PRSS12: variants seen among roughly 807,000 people sequenced by gnomAD.
PRSS12 encodes serine protease 12, also known as neurotrypsin.
PRSS12 carries 85 observed loss-of-function variants against 104.4 expected under a neutral mutation model. That is an observed-to-expected ratio of 0.81 (90% CI 0.68 to 0.98). The LOEUF is 0.98. Among genes scored for constraint, PRSS12 ranks in the 50% least tolerant of loss-of-function variants. The probability of loss-of-function intolerance (pLI) is 0.00; values close to 1 mark genes in which losing one functional copy is unlikely to be tolerated. For synonymous variants in PRSS12, 454 were observed against 425.2 expected, an observed-to-expected ratio of 1.07 and a Z score of -0.83; for missense variants, 1,141 against 1,139.2, an observed-to-expected ratio of 1.00 and a Z score of -0.02.
At position 118,294,790 on chromosome 4, in the gene PRSS12, T is replaced by G. The variant is rs536435283; in HGVS notation, c.2039+149A>C. On this transcript the variant is annotated intron_variant, in intron 11 of 12. Transcript: ENST00000296498. ...TTCTAAGGGCTCTCTTTGCTCCTTT[T>G]GTCACTCCCTCATTCCACAGGGCTG... 77 of 1,123,180 alleles carry G rather than the reference T, an allele frequency of 6.9e-5. No homozygotes were observed. In the African/African-American group the frequency reaches 8.7e-4, roughly 13 times the overall value. 69.6% of individuals were successfully genotyped at this position (1,123,180 alleles called of 1,614,324 possible). A position where few individuals can be genotyped will look rare whatever the true frequency, so the allele number is the denominator to read the frequency against.
intron 1 of PRSS12, among the ~76,000 whole-genome samples, chr4:118,341,172 G>A (rs947774915): frequency 2.0e-5 from 3 of 152,212 alleles, no homozygotes; most frequent in East Asian, 1.9e-4. Flanking sequence ...CTAGCCTCAG[G>A]GGAAAATGAA....
intron 1 of PRSS12, among the ~76,000 whole-genome samples, chr4:118,350,257 G>C (rs1724460704): frequency 1.3e-5 from 2 of 152,162 alleles, no homozygotes; most frequent in African/African-American, 4.8e-5. Flanking sequence ...TACTGGCAGA[G>C]CCAAAACAGA....
rs771069574 is a variant in PRSS12, at chr4:118,352,653, G to A, written c.68C>T (p.Ser23Phe). The A allele has an allele frequency of 6.2e-7, 1 of 1,613,320 alleles. No individual in the cohort carries two copies. Among genetic ancestry groups the A allele is most frequent in the Non-Finnish European group, 8.5e-7 (1 of 1,179,598 alleles). Residue 23 changes from serine to phenylalanine, a missense_variant, in exon 1 of 13, where the codon TCT becomes TTT. Physicochemically the swap from Ser to Phe is radical, Grantham distance 155. Coordinates refer to ENST00000296498, the MANE Select transcript of PRSS12 (RefSeq NM_003619.4). Reference protein sequence around the residue: ...GALPEVVGFDSVLNDSLHHSH... With the variant: ...GALPEVVGFDFVLNDSLHHSH... ...GTGGTGGAGGGAATCATTGAGGACA[G>A]AATCAAAGCCGACCACTTCGGGGAG...
chr4:118,337,826 A>G (rs1259237272), intron 2 of PRSS12, among the ~76,000 whole-genome samples: 1 of 151,976 alleles, frequency 6.6e-6, no homozygotes, highest in African/African-American at 2.4e-5. Flanking sequence ...TAATTCTAAG[A>G]AATTATAATT....
chr4:118,344,950 G>A (rs756179486), intron 1 of PRSS12, among the ~76,000 whole-genome samples: 2 of 152,128 alleles, frequency 1.3e-5, no homozygotes, highest in Non-Finnish European at 2.9e-5. Flanking sequence ...TTGCATAGCA[G>A]TGAGTGATGA....
chr4:118,290,235 C>CA (rs1032990790), intron 11 of PRSS12, among the ~76,000 whole-genome samples: 37 of 151,662 alleles, frequency 2.4e-4, no homozygotes, highest in Middle Eastern at 6.8e-3. Context: ...ATAACAACAA[C>CA]AAAAAAAAGA....
chr4:118,295,536 G>C (rs1421846012), intron 10 of PRSS12, among the ~76,000 whole-genome samples: 1 of 152,108 alleles, frequency 6.6e-6, no homozygotes, highest in Non-Finnish European at 1.5e-5. Flanking sequence ...AAATTATTTT[G>C]TTTCTGCCAT....
In PRSS12 at chr4:118,316,249, C is replaced by T; in HGVS notation, c.1225G>A (p.Gly409Arg). 1 of 1,614,040 alleles carries T rather than the reference C, an allele frequency of 6.2e-7. No individual in the cohort carries two copies. The highest frequency in any genetic ancestry group is 8.5e-7 in the Non-Finnish European group (1 of 1,180,004). Residue 409 changes from glycine to arginine, a missense_variant, in exon 6 of 13, where the codon GGA (glycine) becomes AGA (arginine). Transcript: ENST00000296498. ...RLEVYYRGQW[G>R]TVCDDGWTEL... ...GTCCAGCCATCATCACAGACAGTTC[C>T]CCACTGGCCTCTGTAATATACCTCC...
chr4:118,316,424 A>C, intron 5 of PRSS12, 101 bp from the exon 6 acceptor site: 3 of 1,425,412 alleles, frequency 2.1e-6, no homozygotes, highest in Non-Finnish European at 2.9e-6. Flanking sequence ...TTCAGGCCTC[A>C]CTCTAGGCCT....
intron 4 of PRSS12, among the ~76,000 whole-genome samples, chr4:118,328,692 T>C (rs555931136): frequency 1.3e-5 from 2 of 152,230 alleles, no homozygotes; most frequent in Non-Finnish European, 2.9e-5. Flanking sequence ...GATGTGATCA[T>C]GGCTCATAGT....
intron 4 of PRSS12, among the ~76,000 whole-genome samples, chr4:118,328,134 T>C (rs997855941): frequency 1.3e-5 from 2 of 152,212 alleles, no homozygotes; most frequent in African/African-American, 4.8e-5. Context: ...ACTTAGCCTT[T>C]AAATGAGCAA....
Position 118,282,218 on chromosome 4 carries a change from T to C in PRSS12, c.2346A>G (p.Gln782=). Residue 782 remains glutamine (Q), a synonymous_variant, in exon 13 of 13, where the codon CAA becomes CAG. Transcript: ENST00000296498. The part of the protein sequence containing the change: ...DTGRAYSRTL[Q]QAAIPLLPKR... ...TAGGAAGTAAGGGAATGGCTGCTTG[T>C]TGTAGTGTTCTTGAATAGGCTCGTC... The C allele has an allele frequency of 6.2e-7, 1 of 1,614,240 alleles. No individual in the cohort carries two copies. The highest frequency in any genetic ancestry group is 1.6e-4 in the Middle Eastern group (1 of 6,062).
Position 118,331,877 on chromosome 4 carries a change from T to G in PRSS12, c.821-11A>C, listed in dbSNP as rs779659101. The G allele has an allele frequency of 6.8e-6, 11 of 1,613,592 alleles. No individual in the cohort carries two copies. The highest frequency in any genetic ancestry group is 9.3e-6 in the Non-Finnish European group (11 of 1,180,028). On this transcript the variant is annotated splice_polypyrimidine_tract_variant and intron_variant, in intron 3 of 12. Coordinates refer to ENST00000296498, the MANE Select transcript of PRSS12 (RefSeq NM_003619.4). ...TGGGGAACGTTGGGCCTGTGCAATG[T>G]GAAGTTAAAAATAAGCAAAACCTAT...
intron 7 of PRSS12, among the ~76,000 whole-genome samples, chr4:118,310,981 G>A (rs1743696131): frequency 6.6e-6 from 1 of 152,086 alleles, no homozygotes; most frequent in African/African-American, 2.4e-5. Context: ...AATCCGGGAG[G>A]TGGAGGTTGC....
chr4:118,287,533 T>C (rs1743041801), intron 11 of PRSS12, among the ~76,000 whole-genome samples: 1 of 152,186 alleles, frequency 6.6e-6, no homozygotes, highest in Non-Finnish European at 1.5e-5. Context: ...ACTCCAATTA[T>C]TCTTAGAATA....
intron 4 of PRSS12, among the ~76,000 whole-genome samples, chr4:118,320,142 C>A (rs1327696960): frequency 6.6e-6 from 1 of 151,970 alleles, no homozygotes; most frequent in African/African-American, 2.4e-5. Context: ...ATTTTCAGTC[C>A]CTTTTAGGCT....
rs1248730231 is a variant in PRSS12, at chr4:118,298,774, CAAAT to C, written c.1792_1795del (p.Ile598ValfsTer23). On this transcript the variant is annotated frameshift_variant, in exon 9 of 13. Coordinates refer to ENST00000296498, the MANE Select transcript of PRSS12 (RefSeq NM_003619.4). LOFTEE classifies it high-confidence loss of function. ...TGAGGCCTTCTTGCCAAAATAATCACAAATAACTCCTGCATCTTCACTGTGGCGG... is the reference window on the plus strand; with the variant it reads ...TGAGGCCTTCTTGCCAAAATAATCACAACTCCTGCATCTTCACTGTGGCGG... 2.5e-6 allele frequency: 4 copies of C among 1,614,096 alleles called. No individual in the cohort carries two copies. The highest frequency in any genetic ancestry group is 3.4e-6 in the Non-Finnish European group (4 of 1,180,038).
intron 7 of PRSS12, among the ~76,000 whole-genome samples, chr4:118,310,364 T>C (rs1419631423): frequency 6.6e-6 from 1 of 152,192 alleles, no homozygotes; most frequent in Non-Finnish European, 1.5e-5. Flanking sequence ...AATGATAAAG[T>C]GTTTTTAAAG....
chr4:118,326,229 G>A lies in PRSS12; in HGVS notation c.971+5487C>T, dbSNP rs927542929. Among the ~76,000 whole-genome samples, 8 of 152,140 alleles carry A rather than the reference G, an allele frequency of 5.3e-5. No homozygotes were observed. In the East Asian group the frequency reaches 1.5e-3, roughly 29 times the overall value. The stretch of plus-strand genomic sequence containing the variant: ...CCATATACAGAGTTTGTAATCCATG[G>A]ATGAAAAAACTCATTTTTAATATCC... On this transcript the variant is annotated intron_variant, in intron 4 of 12. Transcript: ENST00000296498.
Sources: allele counts gnomAD v4.1 joint callset (sites outside exome capture counted in the v4.1 genomes callset), GRCh38; gene constraint gnomAD v4.1.1; transcripts MANE v1.5; gene names NCBI Gene and HGNC (gene_info 2026-07-23, HGNC 2026-07-21).